Variants in IKZF3 observed in about 807,000 individuals in gnomAD.
IKZF3 encodes the protein IKAROS family zinc finger 3.
Under a neutral mutation model 49.0 loss-of-function variants are expected in IKZF3, and 10 were observed. The ratio of observed to expected loss-of-function variants is 0.20; its 90% CI spans 0.13 to 0.35. The LOEUF (loss-of-function observed/expected upper bound fraction) is 0.35, where lower values mean the gene tolerates loss of function less well. IKZF3 is among the 10% of genes least tolerant of loss of function. IKZF3 has a pLI of 1.00. For missense variants in IKZF3, 498 were observed against 664.8 expected (o/e 0.75, Z 2.76); for synonymous variants, 209 against 228.2 (o/e 0.92, Z 0.76).
intron 1 of IKZF3, among the ~76,000 whole-genome samples, chr17:39,853,717 C>G (rs571682390): frequency 6.6e-6 from 1 of 151,806 alleles, no homozygotes; most frequent in South Asian, 2.1e-4. Flanking sequence ...TGCCTGTAAC[C>G]CCAGCTACTC....
At position 39,803,575 on chromosome 17, in the gene IKZF3, G is replaced by A. The variant is rs1156309584; in HGVS notation, c.164-10642C>T. On this transcript the variant is annotated intron_variant, in intron 3 of 7. Coordinates refer to ENST00000346872, the MANE Select transcript of IKZF3 (RefSeq NM_012481.5). Reference sequence around the variant, plus strand: ...GTTGCCCAGGCTGGAGTGCAATGGCGCGATCTCGGCTCACAGCAACCTCCA... The same window carrying A: ...GTTGCCCAGGCTGGAGTGCAATGGCACGATCTCGGCTCACAGCAACCTCCA... Among the ~76,000 whole-genome samples the A allele has an allele frequency of 2.0e-5, 3 of 149,968 alleles. No individual in the cohort carries two copies. In the East Asian group the frequency reaches 5.9e-4, roughly 29 times the overall value.
chr17:39,805,406 A>G (rs1449603656), intron 3 of IKZF3, among the ~76,000 whole-genome samples: 1 of 152,342 alleles, frequency 6.6e-6, no homozygotes, highest in East Asian at 1.9e-4. Context: ...AGGTATAACA[A>G]TCAGACCCAA....
rs2060246928 is a variant in IKZF3 at position 39,764,520 on chromosome 17, G to C, written c.*1270C>G. 1 of 150,390 alleles carries C rather than the reference G, an allele frequency of 6.6e-6. No individual in the cohort carries two copies. The highest frequency in any genetic ancestry group is 1.5e-5 in the Non-Finnish European group (1 of 67,876). The allele number at this position is 150,390 out of a possible 1,614,324, so 9.3% of individuals were successfully genotyped here. On this transcript the variant is annotated 3_prime_UTR_variant, in exon 8 of 8. Transcript: ENST00000346872. ...TTTCTCAAAGTCACATAGCTAATTA[G>C]CCAGCATTTTGTGACCTCCTATTCC...
chr17:39,773,153 C>G (rs929867616), intron 7 of IKZF3, among the ~76,000 whole-genome samples: 1 of 152,162 alleles, frequency 6.6e-6, no homozygotes, highest in African/African-American at 2.4e-5. Context: ...CCTTGCTGTC[C>G]AAAGCCCCGC....
chr17:39,845,865 A>C (rs2062615446), intron 1 of IKZF3, among the ~76,000 whole-genome samples: 1 of 152,232 alleles, frequency 6.6e-6, no homozygotes, highest in African/African-American at 2.4e-5. Flanking sequence ...CACTGATTGA[A>C]AAATTAATGC....
chr17:39,782,241 G>A (rs2143778259), intron 6 of IKZF3, among the ~76,000 whole-genome samples: 1 of 152,244 alleles, frequency 6.6e-6, no homozygotes, highest in South Asian at 2.1e-4. Flanking sequence ...ACCATGAAAT[G>A]AGTGCCCTTT....
At chr17:39,838,378 TTC>T (rs1481737442) in intron 1 of IKZF3, among the ~76,000 whole-genome samples, 3 of 152,224 alleles carry the variant, frequency 2.0e-5, no homozygotes, top group Non-Finnish European at 4.4e-5. Flanking sequence ...TTACTCTTTC[TTC>T]TGTCATCTTA....
In IKZF3 at chr17:39,760,136, T is replaced by TG. The variant is rs1238154340; in HGVS notation, c.*5653_*5654insC. 7.2e-5 allele frequency: 7 copies of TG among 97,710 alleles called. No individual in the cohort carries two copies. Among genetic ancestry groups the TG allele is most frequent in the Non-Finnish European group, 1.5e-4 (7 of 47,142 alleles). 6.1% of individuals were successfully genotyped at this position (97,710 alleles called of 1,614,324 possible). A position where few individuals can be genotyped will look rare whatever the true frequency, so the allele number is the denominator to read the frequency against. On this transcript the variant is annotated 3_prime_UTR_variant, in exon 8 of 8. Coordinates refer to ENST00000346872, the MANE Select transcript of IKZF3 (RefSeq NM_012481.5). Reference sequence around the variant, plus strand: ...CACCTGGGATTATATGTAACAGTACTATTTTTTTCCTTAAAACATTCTTTT... The same window carrying TG: ...CACCTGGGATTATATGTAACAGTACTGATTTTTTTCCTTAAAACATTCTTTT...
chr17:39,766,581 G>A (rs1411294270), intron 7 of IKZF3, 88 bp from the exon 8 acceptor site: 1 of 1,150,478 alleles, frequency 8.7e-7, no homozygotes, highest in Non-Finnish European at 1.2e-6. Flanking sequence ...AAAAAGGGAG[G>A]AGAGTTAAGT....
chr17:39,791,175 TC>T (rs1213245118), intron 5 of IKZF3, among the ~76,000 whole-genome samples: 5 of 152,120 alleles, frequency 3.3e-5, no homozygotes, highest in Admixed American at 2.0e-4. Context: ...GCTCTTCCTA[TC>T]TGACTGTGTT....
In IKZF3 at chr17:39,761,324, T is replaced by G. The variant is rs1382700956; in HGVS notation, c.*4466A>C. On this transcript the variant is annotated 3_prime_UTR_variant, in exon 8 of 8. Transcript: ENST00000346872. ...TGATGAGTTCATTTTCTCTCTTTTT[T>G]TTTTCTGGTGGTAGTGGTGGGGGCT... 1 of 152,162 alleles carries G rather than the reference T, an allele frequency of 6.6e-6. No homozygotes were observed. Among genetic ancestry groups the G allele is most frequent in the African/African-American group, 2.4e-5 (1 of 41,436 alleles). 9.4% of individuals were successfully genotyped at this position (152,162 alleles called of 1,614,324 possible). A position where few individuals can be genotyped will look rare whatever the true frequency, so the allele number is the denominator to read the frequency against.
intron 3 of IKZF3, among the ~76,000 whole-genome samples, chr17:39,819,728 G>C (rs749600318): frequency 3.9e-5 from 6 of 152,074 alleles, no homozygotes. Context: ...GGAGTGCAGT[G>C]GTGCAATCTT....
chr17:39,851,993 T>G (rs993897590), intron 1 of IKZF3, among the ~76,000 whole-genome samples: 3 of 152,172 alleles, frequency 2.0e-5, no homozygotes, highest in African/African-American at 7.2e-5. Flanking sequence ...GCTCCATATA[T>G]AGCTTAAAAC....
chr17:39,793,757 G>A (rs1472807247), intron 3 of IKZF3, among the ~76,000 whole-genome samples: 1 of 152,136 alleles, frequency 6.6e-6, no homozygotes, highest in Non-Finnish European at 1.5e-5. Context: ...TGAGTTGGCT[G>A]ACCAAGTACT....
chr17:39,773,990 G>A lies in IKZF3; in HGVS notation c.826+3661C>T, dbSNP rs148117340. 6.0e-3 allele frequency among the ~76,000 whole-genome samples: 905 copies of A among 151,876 alleles called. 11 individuals carry two copies. Among genetic ancestry groups the A allele is most frequent in the African/African-American group, 0.021 (880 of 41,414 alleles). The stretch of plus-strand genomic sequence containing the variant: ...GAAACAAAGACATACAAAATTTCTT[G>A]GAGAATTAGAAAAAAAAATATTTTT... On this transcript the variant is annotated intron_variant, in intron 7 of 7. Transcript: ENST00000346872.
chr17:39,836,138 C>T (rs573830644), intron 1 of IKZF3: 35 of 657,170 alleles, frequency 5.3e-5, no homozygotes, highest in Middle Eastern at 4.2e-4. Context: ...TGAGTGCACA[C>T]GGCCTGGATG....
At chr17:39,840,145 A>G (rs1020963884) in intron 1 of IKZF3, among the ~76,000 whole-genome samples, 1 of 152,200 alleles carries the variant, frequency 6.6e-6, no homozygotes, top group Non-Finnish European at 1.5e-5. Context: ...CCTTTGCAGA[A>G]GTATAAATCT....
At chr17:39,767,005 G>A (rs775688655) in intron 7 of IKZF3, among the ~76,000 whole-genome samples, 1 of 152,004 alleles carries the variant, frequency 6.6e-6, no homozygotes, top group Non-Finnish European at 1.5e-5. Flanking sequence ...GCCTCACCTC[G>A]GCAGCTTTTT....
chr17:39,843,665 T>C (rs1169727736), intron 1 of IKZF3, among the ~76,000 whole-genome samples: 2 of 152,056 alleles, frequency 1.3e-5, no homozygotes, highest in Non-Finnish European at 2.9e-5. Flanking sequence ...TAACTGAGTG[T>C]AGTTTCGAAG....
Sources: gnomAD v4.1 joint callset for allele counts (sites outside exome capture counted in the v4.1 genomes callset) on GRCh38, gnomAD v4.1.1 for gene constraint, MANE v1.5 for transcripts, NCBI Gene and HGNC (gene_info 2026-07-23, HGNC 2026-07-21) for gene names.